The following NAALADL2 variants were observed in gnomAD, a reference collection of about 807,000 sequenced individuals.
The protein encoded by NAALADL2 is N-acetylated alpha-linked acidic dipeptidase like 2, also known as inactive N-acetylated-alpha-linked acidic dipeptidase-like protein 2.
Under a neutral mutation model 87.2 loss-of-function variants are expected in NAALADL2, and 76 were observed. That is an observed-to-expected ratio of 0.87 (90% CI 0.72 to 1.05). NAALADL2 has a LOEUF of 1.05. Among genes scored for constraint, NAALADL2 ranks in the 50% least tolerant of loss-of-function variants. NAALADL2 has a pLI of 0.00. For missense variants in NAALADL2, 1,089 were observed against 945.8 expected (o/e 1.15, Z -1.99); for synonymous variants, 354 against 331.0 (o/e 1.07, Z -0.75).
intron 3 of NAALADL2, among the ~76,000 whole-genome samples, chr3:174,787,974 G>A (rs143768299): frequency 2.6e-5 from 4 of 152,054 alleles, no homozygotes; most frequent in Admixed American, 2.0e-4. Context: ...CAGCATCACC[G>A]TTAGAGTGCT....
chr3:175,418,019 A>G (rs1046935511), intron 5 of NAALADL2, among the ~76,000 whole-genome samples: 6 of 152,074 alleles, frequency 3.9e-5, no homozygotes, highest in Non-Finnish European at 8.8e-5. Flanking sequence ...CAGGTAAAGT[A>G]GGAGATGAGG....
intron 1 of NAALADL2, among the ~76,000 whole-genome samples, chr3:174,860,648 A>T (rs374196417): frequency 6.6e-6 from 1 of 152,090 alleles, no homozygotes; most frequent in Non-Finnish European, 1.5e-5. Flanking sequence ...GCAACCACCT[A>T]AATAGCCTAT....
At chr3:174,877,184 A>T (rs1728616355) in intron 1 of NAALADL2, among the ~76,000 whole-genome samples, 1 of 152,132 alleles carries the variant, frequency 6.6e-6, no homozygotes, top group Non-Finnish European at 1.5e-5. Flanking sequence ...CATTCAGTCC[A>T]TAAGTTGTGC....
At chr3:174,560,262 A>G (rs1713420377) in intron 2 of NAALADL2, among the ~76,000 whole-genome samples, 1 of 152,216 alleles carries the variant, frequency 6.6e-6, no homozygotes, top group African/African-American at 2.4e-5. Flanking sequence ...CTTAATTAAA[A>G]ATCCAAAAGG....
intron 1 of NAALADL2, among the ~76,000 whole-genome samples, chr3:174,979,430 C>T (rs1744820779): frequency 2.0e-5 from 3 of 151,324 alleles, no homozygotes; most frequent in Admixed American, 2.0e-4. Flanking sequence ...CTCAGTCTCC[C>T]AAGTAGCTGG....
chr3:175,457,095 T>G (rs1722429057), intron 6 of NAALADL2, among the ~76,000 whole-genome samples: 1 of 151,996 alleles, frequency 6.6e-6, no homozygotes, highest in Admixed American at 6.6e-5. Context: ...AGGGAACAAT[T>G]TTTTCCCCTG....
At chr3:175,614,666 C>A (rs925627626) in intron 10 of NAALADL2, among the ~76,000 whole-genome samples, 3 of 152,080 alleles carry the variant, frequency 2.0e-5, no homozygotes, top group East Asian at 1.9e-4. Context: ...TGCCTACTAA[C>A]CTTCTAAGGC....
At chr3:174,683,787 T>G (rs1490594829) in intron 2 of NAALADL2, among the ~76,000 whole-genome samples, 2 of 151,984 alleles carry the variant, frequency 1.3e-5, no homozygotes, top group African/African-American at 4.8e-5. Context: ...AACTTGATAA[T>G]TTTTCATCTT....
chr3:174,764,344 GGTGCA>G (rs1305813006), intron 3 of NAALADL2, among the ~76,000 whole-genome samples: 2 of 152,176 alleles, frequency 1.3e-5, no homozygotes, highest in Non-Finnish European at 2.9e-5. Context: ...AAAGGTGCCG[GGTGCA>G]GTGGCTTATG....
intron 2 of NAALADL2, among the ~76,000 whole-genome samples, chr3:174,624,016 T>C (rs2108675701): frequency 6.6e-6 from 1 of 152,334 alleles, no homozygotes; most frequent in Admixed American, 6.5e-5. Context: ...CTTACAATAA[T>C]ATTTTTCTAA....
At chr3:175,376,429 T>C (rs1767135028) in intron 5 of NAALADL2, among the ~76,000 whole-genome samples, 1 of 152,192 alleles carries the variant, frequency 6.6e-6, no homozygotes, top group Non-Finnish European at 1.5e-5. Flanking sequence ...TTTCTTTCAT[T>C]GCTTTAATGA....
At chr3:175,171,674 T>A (rs189725372) in intron 2 of NAALADL2, among the ~76,000 whole-genome samples, 3 of 152,106 alleles carry the variant, frequency 2.0e-5, no homozygotes, top group Non-Finnish European at 4.4e-5. Context: ...TAATCTATTA[T>A]AACAGAAGAA....
chr3:175,340,227 A>G (rs1762431729), intron 5 of NAALADL2, among the ~76,000 whole-genome samples: 1 of 152,212 alleles, frequency 6.6e-6, no homozygotes, highest in South Asian at 2.1e-4. Context: ...CTACAAATTT[A>G]TAAATGTTCG....
At chr3:175,117,896 A>G (rs1315324691) in intron 2 of NAALADL2, among the ~76,000 whole-genome samples, 1 of 152,156 alleles carries the variant, frequency 6.6e-6, no homozygotes, top group East Asian at 1.9e-4. Flanking sequence ...CTGGATTAAG[A>G]AAATGTGGCA....
At chr3:174,786,770 AT>A (rs1716730984) in intron 3 of NAALADL2, among the ~76,000 whole-genome samples, 1 of 152,134 alleles carries the variant, frequency 6.6e-6, no homozygotes, top group Non-Finnish European at 1.5e-5. Flanking sequence ...GGTTTGTTAG[AT>A]AAGGGTTATG....
At chr3:175,475,397 T>G (rs1725551213) in intron 9 of NAALADL2, among the ~76,000 whole-genome samples, 1 of 152,216 alleles carries the variant, frequency 6.6e-6, no homozygotes, top group Admixed American at 6.5e-5. Context: ...CACCTCTCCC[T>G]ATATGTTGCT....
intron 1 of NAALADL2, among the ~76,000 whole-genome samples, chr3:174,503,688 C>A (rs1028203600): frequency 2.0e-5 from 3 of 151,972 alleles, no homozygotes; most frequent in African/African-American, 4.8e-5. Context: ...ATTCTAAAAG[C>A]CTGCAATTTA....
chr3:174,885,876 GTTTTTTTTTTTTTTTTTTTTTTT>G (rs60403770), intron 1 of NAALADL2, among the ~76,000 whole-genome samples: 13 of 101,626 alleles, frequency 1.3e-4, no homozygotes, highest in Non-Finnish European at 2.2e-4. Context: ...AGTCCGAGTT[GTTTTTTTTTTTTTTTTTTTTTTT>G]TTTTTTTTTT....
At chr3:174,905,311 A>G (rs1732834420) in intron 1 of NAALADL2, among the ~76,000 whole-genome samples, 1 of 151,880 alleles carries the variant, frequency 6.6e-6, no homozygotes, top group African/African-American at 2.4e-5. Context: ...TCAATCATAT[A>G]TTGCTTAATT....
Sources: allele counts gnomAD v4.1 joint callset (sites outside exome capture counted in the v4.1 genomes callset), GRCh38; gene constraint gnomAD v4.1.1; transcripts MANE v1.5; gene names NCBI Gene and HGNC (gene_info 2026-07-23, HGNC 2026-07-21).